Variants in DYNLL2 observed in about 807,000 individuals in gnomAD.
DYNLL2 encodes the protein dynein light chain LC8-type 2.
DYNLL2 carries 1 observed loss-of-function variant against 9.7 expected under a neutral mutation model. That is an observed-to-expected ratio of 0.10 (90% confidence interval 0.04 to 0.49). The LOEUF (loss-of-function observed/expected upper bound fraction) is 0.49, where lower values mean the gene tolerates loss of function less well. Ranked by LOEUF, DYNLL2 falls within the 20% of genes least tolerant of loss-of-function variation. The probability of loss-of-function intolerance (pLI) is 0.95; values close to 1 mark genes in which losing one functional copy is unlikely to be tolerated. For missense variants in DYNLL2, 37 were observed against 115.2 expected (o/e 0.32, Z 3.11); for synonymous variants, 35 against 40.5 (o/e 0.86, Z 0.52).
rs1567767500 is a variant in DYNLL2 at position 58,091,776 on chromosome 17, G to A, written c.*2497G>A. 1.3e-5 allele frequency: 2 copies of A among 152,182 alleles called. No homozygotes were observed. Among genetic ancestry groups the A allele is most frequent in the Middle Eastern group, 3.1e-3 (1 of 318 alleles). 9.4% of individuals were successfully genotyped at this position (152,182 alleles called of 1,614,324 possible). On this transcript the variant is annotated 3_prime_UTR_variant, in exon 3 of 3. Transcript: ENST00000579991. Reference sequence around the variant, plus strand: ...ATCAGCAGTGCCAAGACTTCTGAGAGTGTCTGCCCACCCCTGACTCCACCA... The same window carrying A: ...ATCAGCAGTGCCAAGACTTCTGAGAATGTCTGCCCACCCCTGACTCCACCA...
At position 58,094,237 on chromosome 17, in the gene DYNLL2, T is replaced by G. The variant is rs1025984125; in HGVS notation, c.*4958T>G. The stretch of plus-strand genomic sequence containing the variant: ...TGGACAAGCTGCTTGATCTCTCAGA[T>G]CCTCGATTTCTTCATCTGTAAGATG... On this transcript the variant is annotated 3_prime_UTR_variant, in exon 3 of 3. Transcript: ENST00000579991. The G allele has an allele frequency of 3.3e-5, 5 of 152,194 alleles. No homozygotes were observed. Among genetic ancestry groups the G allele is most frequent in the African/African-American group, 1.2e-4 (5 of 41,456 alleles). The allele number at this position is 152,194 out of a possible 1,614,324, so 9.4% of individuals were successfully genotyped here.
chr17:58,083,456 G>GGGGCGGGCGGGC lies in DYNLL2; in HGVS notation c.-236_-235insGGCGGGCGGGCG, dbSNP rs1440081256. 8.9e-6 allele frequency: 1 copy of GGGGCGGGCGGGC among 111,984 alleles called. No homozygotes were observed. The highest frequency in any genetic ancestry group is 2.0e-5 in the Non-Finnish European group (1 of 50,988). 6.9% of individuals were successfully genotyped at this position (111,984 alleles called of 1,614,324 possible). On this transcript the variant is annotated 5_prime_UTR_variant, in exon 1 of 3. Coordinates refer to ENST00000579991, the MANE Select transcript of DYNLL2 (RefSeq NM_080677.3). Reference sequence around the variant, plus strand: ...GAGCGGAGCTGTGAGGCGCCAGTGCGGAGCGGGCGGGCGGGCGGGCGGCGT... The same window carrying GGGGCGGGCGGGC: ...GAGCGGAGCTGTGAGGCGCCAGTGCGGGGCGGGCGGGCGAGCGGGCGGGCGGGCGGGCGGCGT...
chr17:58,083,882 C>A (rs2075746444), intron 1 of DYNLL2, among the ~76,000 whole-genome samples, 199 bp downstream of exon 1: 1 of 151,356 alleles, frequency 6.6e-6, no homozygotes, highest in Non-Finnish European at 1.5e-5. Context: ...CCTCTCGGCG[C>A]AGCCCGGGCT....
rs1432228702 is a variant in DYNLL2 at position 58,087,218 on chromosome 17, A to G, written c.128A>G (p.Lys43Arg). Residue 43 changes from lysine to arginine, a missense_variant, in exon 2 of 3, where the codon AAG (lysine) becomes AGG (arginine). Physicochemically the swap from Lys to Arg is conservative, Grantham distance 26. Transcript: ENST00000579991. ...NIEKDIAAYI[K>R]KEFDKKYNPT... ...GAGAAGGACATTGCTGCCTATATCA[A>G]GAAGGTGTGCTGGGAGAGCTGGGAC... is the stretch of plus-strand genomic sequence containing the variant. The G allele has an allele frequency of 6.2e-7, 1 of 1,614,106 alleles. No individual in the cohort carries two copies. Among genetic ancestry groups the G allele is most frequent in the Non-Finnish European group, 8.5e-7 (1 of 1,179,972 alleles).
At chr17:58,087,902 G>A (rs541105659) in intron 2 of DYNLL2, among the ~76,000 whole-genome samples, 1 of 152,308 alleles carries the variant, frequency 6.6e-6, no homozygotes, top group East Asian at 1.9e-4. Flanking sequence ...TCCCAGTCAG[G>A]ATCCATATCC....
In DYNLL2 at chr17:58,090,632, G is replaced by A. The variant is rs1016439774; in HGVS notation, c.*1353G>A. On this transcript the variant is annotated 3_prime_UTR_variant, in exon 3 of 3. Transcript: ENST00000579991. ...AGAGGAGCTTCTGGGAGCCTTGGAG[G>A]AGGTCAGTCTTGCAGTGGTGAAGCC... The A allele has an allele frequency of 6.5e-6, 1 of 152,740 alleles. No individual in the cohort carries two copies. The highest frequency in any genetic ancestry group is 1.5e-5 in the Non-Finnish European group (1 of 68,468). The allele number at this position is 152,740 out of a possible 1,614,324, so 9.5% of individuals were successfully genotyped here. A position where few individuals can be genotyped will look rare whatever the true frequency, so the allele number is the denominator to read the frequency against.
At position 58,089,857 on chromosome 17, in the gene DYNLL2, C is replaced by T. The variant is rs1186168733; in HGVS notation, c.*578C>T. ...GGGGCGGAGGGTGGGGTGGGGATGC[C>T]TTCTTTAGGGGCCCTGAGATGTGTT... On this transcript the variant is annotated 3_prime_UTR_variant, in exon 3 of 3. Transcript: ENST00000579991. 1 of 398,476 alleles carries T rather than the reference C, an allele frequency of 2.5e-6. No individual in the cohort carries two copies. The highest frequency in any genetic ancestry group is 2.1e-5 in the African/African-American group (1 of 48,474). The allele number at this position is 398,476 out of a possible 1,614,324, so 24.7% of individuals were successfully genotyped here. A position where few individuals can be genotyped will look rare whatever the true frequency, so the allele number is the denominator to read the frequency against.
intron 1 of DYNLL2, among the ~76,000 whole-genome samples, chr17:58,086,161 G>A (rs957229420): frequency 6.6e-6 from 1 of 152,198 alleles, no homozygotes; most frequent in African/African-American, 2.4e-5. Flanking sequence ...TCAGCCTGGA[G>A]TACTTGAGAG....
In DYNLL2 at chr17:58,089,557, C is replaced by G. The variant is rs536425372; in HGVS notation, c.*278C>G. On this transcript the variant is annotated 3_prime_UTR_variant, in exon 3 of 3. Transcript: ENST00000579991. ...ACTAGGAAATCTCTCCCACCTCTCC[C>G]TTTTCTCTTTCTTTCCCTATACAAA... 2.2e-6 allele frequency: 1 copy of G among 461,642 alleles called. No homozygotes were observed. Among genetic ancestry groups the G allele is most frequent in the African/African-American group, 2.0e-5 (1 of 49,386 alleles). 28.6% of individuals were successfully genotyped at this position (461,642 alleles called of 1,614,324 possible). A position where few individuals can be genotyped will look rare whatever the true frequency, so the allele number is the denominator to read the frequency against.
At chr17:58,083,800 C>T (rs565433715) in intron 1 of DYNLL2, 117 bp downstream of exon 1, 1 of 152,048 alleles carries the variant, frequency 6.6e-6, no homozygotes, top group South Asian at 2.1e-4. Flanking sequence ...GCCCCAAGGC[C>T]TGGAACAGGG....
intron 2 of DYNLL2, 97 bp from the exon 3 acceptor site, chr17:58,089,045 G>C: frequency 6.8e-7 from 1 of 1,480,254 alleles, no homozygotes; most frequent in South Asian, 1.2e-5. Context: ...ACAACCAAAC[G>C]TGTCGGTGCT....
At position 58,089,863 on chromosome 17, in the gene DYNLL2, T is replaced by C. The variant is rs1036440148; in HGVS notation, c.*584T>C. 2 of 398,594 alleles carry C rather than the reference T, an allele frequency of 5.0e-6. No homozygotes were observed. The highest frequency in any genetic ancestry group is 8.8e-6 in the Non-Finnish European group (2 of 226,274). 24.7% of individuals were successfully genotyped at this position (398,594 alleles called of 1,614,324 possible). On this transcript the variant is annotated 3_prime_UTR_variant, in exon 3 of 3. Transcript: ENST00000579991. ...GAGGGTGGGGTGGGGATGCCTTCTT[T>C]AGGGGCCCTGAGATGTGTTTGTCTG...
intron 2 of DYNLL2, among the ~76,000 whole-genome samples, chr17:58,088,553 G>C (rs1349332953): frequency 6.6e-6 from 1 of 152,148 alleles, no homozygotes; most frequent in African/African-American, 2.4e-5. Flanking sequence ...TTAGGGAATT[G>C]CCTTGATCTC....
intron 1 of DYNLL2, among the ~76,000 whole-genome samples, chr17:58,086,377 A>T (rs893031876): frequency 5.3e-5 from 8 of 152,266 alleles, no homozygotes; most frequent in African/African-American, 1.9e-4. Flanking sequence ...AACAGGTGGT[A>T]GGCTGGATCT....
rs1315615270 is a variant in DYNLL2 at position 58,092,217 on chromosome 17, G to A, written c.*2938G>A. 1 of 152,236 alleles carries A rather than the reference G, an allele frequency of 6.6e-6. No individual in the cohort carries two copies. Among genetic ancestry groups the A allele is most frequent in the Non-Finnish European group, 1.5e-5 (1 of 68,068 alleles). 9.4% of individuals were successfully genotyped at this position (152,236 alleles called of 1,614,324 possible). A position where few individuals can be genotyped will look rare whatever the true frequency, so the allele number is the denominator to read the frequency against. On this transcript the variant is annotated 3_prime_UTR_variant, in exon 3 of 3. Transcript: ENST00000579991. ...AACTTCTGTTACTGCTTTAGCTGTC[G>A]TGAGTAATTTGACAGAGCTGGAGCT...
Position 58,090,517 on chromosome 17 carries a change from C to T in DYNLL2, c.*1238C>T, listed in dbSNP as rs73995447. 9,525 of 152,230 alleles carry T rather than the reference C, an allele frequency of 0.063. 417 individuals are homozygous for T. The highest frequency in any genetic ancestry group is 0.11 in the African/African-American group (4,747 of 41,436). 9.4% of individuals were successfully genotyped at this position (152,230 alleles called of 1,614,324 possible). ...GACAGGATGACCATGCTGCCATCTG[C>T]TCTGGAGCTGGGTCTCAGTGCAGAG... On this transcript the variant is annotated 3_prime_UTR_variant, in exon 3 of 3. Transcript: ENST00000579991.
chr17:58,090,506 G>C lies in DYNLL2; in HGVS notation c.*1227G>C, dbSNP rs1291985865. ...GGACCACCCAGGACAGGATGACCATGCTGCCATCTGCTCTGGAGCTGGGTC... is the reference window on the plus strand; with the variant it reads ...GGACCACCCAGGACAGGATGACCATCCTGCCATCTGCTCTGGAGCTGGGTC... On this transcript the variant is annotated 3_prime_UTR_variant, in exon 3 of 3. Transcript: ENST00000579991. 6.6e-6 allele frequency: 1 copy of C among 152,242 alleles called. No homozygotes were observed. The highest frequency in any genetic ancestry group is 2.4e-5 in the African/African-American group (1 of 41,372). 9.4% of individuals were successfully genotyped at this position (152,242 alleles called of 1,614,324 possible). A position where few individuals can be genotyped will look rare whatever the true frequency, so the allele number is the denominator to read the frequency against.
chr17:58,086,949 T>A, intron 1 of DYNLL2, 133 bp from the exon 2 acceptor site: 1 of 1,069,880 alleles, frequency 9.3e-7, no homozygotes, highest in South Asian at 1.6e-5. Flanking sequence ...CCTCTCCTAA[T>A]GCTTCACATC....
At position 58,085,730 on chromosome 17, in the gene DYNLL2, T is replaced by A. The variant is rs16942657; in HGVS notation, c.-9-1352T>A. 9.4e-4 allele frequency among the ~76,000 whole-genome samples: 143 copies of A among 152,294 alleles called. 1 individual carries two copies. Among genetic ancestry groups the A allele is most frequent in the African/African-American group, 3.3e-3 (139 of 41,570 alleles). ...TGGCATGGCCTTGATAGCAGGGATA[T>A]GAAACAAGGCTATTAAAATCTTTAC... On this transcript the variant is annotated intron_variant, in intron 1 of 2. Coordinates refer to ENST00000579991, the MANE Select transcript of DYNLL2 (RefSeq NM_080677.3).
Sources: gnomAD v4.1 joint callset for allele counts (sites outside exome capture counted in the v4.1 genomes callset) on GRCh38, gnomAD v4.1.1 for gene constraint, MANE v1.5 for transcripts, NCBI Gene and HGNC (gene_info 2026-07-23, HGNC 2026-07-21) for gene names.